SH3YL1: variants seen among roughly 807,000 people sequenced by gnomAD.
SH3YL1 encodes SH3 domain-containing YSC84-like protein 1.
A neutral mutation model predicts 45.8 loss-of-function variants in SH3YL1; 41 were observed. The observed-to-expected ratio is 0.89, with a 90% CI of 0.70 to 1.16. The LOEUF (loss-of-function observed/expected upper bound fraction) is 1.16. Among genes scored for constraint, SH3YL1 ranks in the 50% most tolerant of loss-of-function variants. SH3YL1 has a pLI of 0.00. For synonymous variants in SH3YL1, 152 were observed against 151.4 expected, an observed-to-expected ratio of 1.00 and a Z score of -0.03; for missense variants, 389 against 409.6, an observed-to-expected ratio of 0.95 and a Z score of 0.43.
At chr2:224,529 G>A (rs1667711132) in intron 9 of SH3YL1, among the ~76,000 whole-genome samples, 1 of 152,060 alleles carries the variant, frequency 6.6e-6, no homozygotes, top group Non-Finnish European at 1.5e-5. Flanking sequence ...GGCTCCCGGG[G>A]CTCAGCAGCC....
intron 7 of SH3YL1, 188 bp downstream of exon 7, chr2:230,835 A>G: frequency 5.0e-6 from 3 of 597,658 alleles, no homozygotes; most frequent in Non-Finnish European, 8.9e-6. Flanking sequence ...CAGAGGACAA[A>G]TTATGTTTTT....
chr2:225,861 T>A (rs538656789), intron 8 of SH3YL1, among the ~76,000 whole-genome samples: 1 of 152,316 alleles, frequency 6.6e-6, no homozygotes, highest in South Asian at 2.1e-4. Flanking sequence ...CAAAGTCTTA[T>A]TGAAAGACAT....
intron 4 of SH3YL1, among the ~76,000 whole-genome samples, chr2:237,290 G>T (rs756020953): frequency 6.6e-6 from 1 of 151,592 alleles, no homozygotes; most frequent in Non-Finnish European, 1.5e-5. Flanking sequence ...GATTTTTTTT[G>T]GTCTGATCTC....
intron 4 of SH3YL1, chr2:242,959 C>T: frequency 1.3e-6 from 1 of 786,174 alleles, no homozygotes; most frequent in Non-Finnish European, 1.8e-6. Flanking sequence ...AGAGATATAA[C>T]AATTATAAAC....
intron 9 of SH3YL1, among the ~76,000 whole-genome samples, chr2:220,567 A>G (rs564608200): frequency 1.3e-5 from 2 of 152,378 alleles, no homozygotes; most frequent in East Asian, 3.9e-4. Context: ...ACACGATTAA[A>G]TTCTACACGT....
rs1668982932 is a variant in SH3YL1 at position 249,584 on chromosome 2, C to A, written c.226+147G>T. On this transcript the variant is annotated intron_variant, in intron 3 of 9. Coordinates refer to ENST00000356150, the MANE Select transcript of SH3YL1 (RefSeq NM_015677.4). ...CTGTGGCTTGTTCACTGACACCAAA[C>A]TGCACGTTCAGTCGAGTAGCCCTTA... 1.7e-5 allele frequency: 10 copies of A among 588,842 alleles called. No individual in the cohort carries two copies. The South Asian group carries it at 2.3e-4, about 14-fold the overall frequency. The allele number at this position is 588,842 out of a possible 1,614,324, so 36.5% of individuals were successfully genotyped here.
Position 218,779 on chromosome 2 carries a change from T to TCGGTGGTCGCC in SH3YL1, c.*31_*32insGGCGACCACCG. Reference sequence around the variant, plus strand: ...CCTGTCAGTGTAGAAATAATTTTTTTGTAATTCTCAAAGAAGAAAATAGTA... The same window carrying TCGGTGGTCGCC: ...CCTGTCAGTGTAGAAATAATTTTTTTCGGTGGTCGCCGTAATTCTCAAAGAAGAAAATAGTA... On this transcript the variant is annotated 3_prime_UTR_variant, in exon 10 of 10. Coordinates refer to ENST00000356150, the MANE Select transcript of SH3YL1 (RefSeq NM_015677.4). 3.3e-6 allele frequency: 5 copies of TCGGTGGTCGCC among 1,507,792 alleles called. No homozygotes were observed. The highest frequency in any genetic ancestry group is 4.0e-5 in the Admixed American group (2 of 49,586). 93.4% of individuals were successfully genotyped at this position (1,507,792 alleles called of 1,614,324 possible).
In SH3YL1 at chr2:234,290, A is replaced by C. The variant is rs1401051123; in HGVS notation, c.292-18T>G. The C allele has an allele frequency of 6.3e-7, 1 of 1,583,130 alleles. No homozygotes were observed. The highest frequency in any genetic ancestry group is 8.6e-7 in the Non-Finnish European group (1 of 1,157,714). ...TCTGATACCTAAAGTGTAGAAACCC[A>C]TGGATTTAAAAATCGTTAAGACTAA... On this transcript the variant is annotated intron_variant, in intron 4 of 9. Coordinates refer to ENST00000356150, the MANE Select transcript of SH3YL1 (RefSeq NM_015677.4).
At chr2:219,060 T>C in intron 9 of SH3YL1, 59 bp from the exon 10 acceptor site, 10 of 1,434,926 alleles carry the variant, frequency 7.0e-6, no homozygotes, top group Non-Finnish European at 9.5e-6. Flanking sequence ...TGGGGGTATC[T>C]GCTGGTAAGA....
intron 9 of SH3YL1, among the ~76,000 whole-genome samples, chr2:220,712 G>A (rs963236183): frequency 1.3e-5 from 2 of 152,120 alleles, no homozygotes; most frequent in Non-Finnish European, 2.9e-5. Context: ...AATCCATCCT[G>A]GAAATCTCTT....
At chr2:230,229 G>A (rs933599174) in intron 7 of SH3YL1, 185 bp from the exon 8 acceptor site, 18 of 450,496 alleles carry the variant, frequency 4.0e-5, no homozygotes, top group African/African-American at 2.4e-4. Flanking sequence ...ACAAGACTCA[G>A]ATGTGGACAG....
intron 8 of SH3YL1, among the ~76,000 whole-genome samples, chr2:227,585 T>C (rs192591526): frequency 3.9e-4 from 60 of 152,094 alleles, no homozygotes; most frequent in Non-Finnish European, 4.4e-5. Context: ...TAAATAAATA[T>C]AAAGAAGATA....
intron 1 of SH3YL1, among the ~76,000 whole-genome samples, chr2:254,287 C>T (rs559894656): frequency 6.6e-6 from 1 of 152,194 alleles, no homozygotes; most frequent in Admixed American, 6.5e-5. Flanking sequence ...CATTCATACA[C>T]TCATCAGAGG....
chr2:225,021 TA>T, intron 8 of SH3YL1, 101 bp from the exon 9 acceptor site: 1 of 848,518 alleles, frequency 1.2e-6, no homozygotes, highest in Non-Finnish European at 2.0e-6. Context: ...GCAAATATTT[TA>T]AATCACTAAG....
chr2:236,383 A>C (rs1430035057), intron 4 of SH3YL1, among the ~76,000 whole-genome samples: 1 of 152,040 alleles, frequency 6.6e-6, no homozygotes, highest in Non-Finnish European at 1.5e-5. Flanking sequence ...TCTGTGTTTA[A>C]AATTTGCTTA....
chr2:232,938 C>T (rs991112674), intron 6 of SH3YL1, 163 bp downstream of exon 6: 9 of 472,706 alleles, frequency 1.9e-5, no homozygotes, highest in Admixed American at 8.9e-5. Context: ...GCATTTTCTA[C>T]GAGCATATAT....
rs146370612 is a variant in SH3YL1, at chr2:255,729, G to GA, written c.2-2615dup. 7 of 152,090 alleles carry GA rather than the reference G, an allele frequency of 4.6e-5. 1 individual carries two copies. The highest frequency in any genetic ancestry group is 1.3e-4 in the Admixed American group (2 of 15,262). The allele number at this position is 152,090 out of a possible 1,614,324, so 9.4% of individuals were successfully genotyped here. On this transcript the variant is annotated intron_variant, in intron 1 of 9. Transcript: ENST00000356150. Reference sequence around the variant, plus strand: ...GGAGTATTAACAAGATCCAGACCAGGAAAAAAATCCATCCCAAGATTCATC... The same window carrying GA: ...GGAGTATTAACAAGATCCAGACCAGGAAAAAAAATCCATCCCAAGATTCATC...
chr2:262,747 A>C, intron 1 of SH3YL1: 1 of 1,203,584 alleles, frequency 8.3e-7, no homozygotes, highest in Non-Finnish European at 1.1e-6. Context: ...CCAGATCCTT[A>C]TTTCTGCGGA....
Position 224,497 on chromosome 2 carries a change from C to T in SH3YL1, c.838+367G>A, listed in dbSNP as rs538148192. 6.6e-5 allele frequency among the ~76,000 whole-genome samples: 10 copies of T among 152,316 alleles called. 1 individual carries two copies. The highest frequency in any genetic ancestry group is 6.2e-4 in the South Asian group (3 of 4,824). On this transcript the variant is annotated intron_variant, in intron 9 of 9. Coordinates refer to ENST00000356150, the MANE Select transcript of SH3YL1 (RefSeq NM_015677.4). ...CAGACAGCAAATGTGGAGGAGATCA[C>T]ATGCTCCTCAGATGATGCCATGGCT...
Sources: gnomAD v4.1 joint callset for allele counts (sites outside exome capture counted in the v4.1 genomes callset) on GRCh38, gnomAD v4.1.1 for gene constraint, MANE v1.5 for transcripts, NCBI Gene and HGNC (gene_info 2026-07-23, HGNC 2026-07-21) for gene names.